Variants in PPP3CC observed in about 807,000 individuals in gnomAD.
PPP3CC encodes protein phosphatase 3 catalytic subunit gamma.
In PPP3CC, 35 loss-of-function variants were observed where a neutral mutation model predicts 60.3. That is an observed-to-expected ratio of 0.58 (90% CI 0.44 to 0.77). The LOEUF (loss-of-function observed/expected upper bound fraction) is 0.77, where lower values mean the gene tolerates loss of function less well. Among genes scored for constraint, PPP3CC ranks in the 30% least tolerant of loss-of-function variants. The pLI is 0.00. For synonymous variants in PPP3CC, 206 were observed against 224.3 expected (o/e 0.92, Z 0.73); for missense variants, 570 against 628.9 (o/e 0.91, Z 1.00).
chr8:22,501,277 T>A (rs1218382954), intron 4 of PPP3CC, among the ~76,000 whole-genome samples: 1 of 152,276 alleles, frequency 6.6e-6, no homozygotes, highest in Non-Finnish European at 1.5e-5. Context: ...AGGAATTTAT[T>A]ATGCAGATTG....
At chr8:22,539,356 G>T in intron 12 of PPP3CC, 113 bp from the exon 13 acceptor site, 1 of 1,030,914 alleles carries the variant, frequency 9.7e-7, no homozygotes. Context: ...TTATGGATGG[G>T]GATAGGCTAA....
At chr8:22,494,936 C>T (rs952812128) in intron 3 of PPP3CC, among the ~76,000 whole-genome samples, 1 of 152,024 alleles carries the variant, frequency 6.6e-6, no homozygotes, top group African/African-American at 2.4e-5. Flanking sequence ...TACAGCTACT[C>T]TTGTACTTTT....
intron 1 of PPP3CC, among the ~76,000 whole-genome samples, chr8:22,449,697 G>A (rs547125394): frequency 6.6e-6 from 1 of 151,784 alleles, no homozygotes; most frequent in African/African-American, 2.4e-5. Flanking sequence ...AGAAAGAAAA[G>A]GTACTTAACT....
chr8:22,475,007 G>A lies in PPP3CC; in HGVS notation c.103G>A (p.Gly35Arg). 2.5e-6 allele frequency: 4 copies of A among 1,611,544 alleles called. No individual in the cohort carries two copies. The highest frequency in any genetic ancestry group is 3.4e-6 in the Non-Finnish European group (4 of 1,178,452). Residue 35 changes from glycine (G) to arginine (R), a missense_variant, in exon 2 of 14, where the codon GGG (glycine) becomes AGG (arginine). By Grantham distance (125) the Gly-to-Arg change is moderately radical (BLOSUM62 -2). Transcript: ENST00000240139. ...RLTFKEVFEN[G>R]KPKVDVLKNH... is the part of the protein sequence containing the mutation. ...TACTTTCAAGGAAGTATTTGAGAAT[G>A]GGAAACCTAAAGTTGATGTTTTAAA...
In PPP3CC at chr8:22,540,965, T is replaced by G. The variant is rs1447472148; in HGVS notation, c.*163T>G. 1.7e-6 allele frequency: 1 copy of G among 575,682 alleles called. No homozygotes were observed. The highest frequency in any genetic ancestry group is 2.7e-6 in the Non-Finnish European group (1 of 370,862). 35.7% of individuals were successfully genotyped at this position (575,682 alleles called of 1,614,324 possible). On this transcript the variant is annotated 3_prime_UTR_variant, in exon 14 of 14. Coordinates refer to ENST00000240139, the MANE Select transcript of PPP3CC (RefSeq NM_005605.5). The stretch of plus-strand genomic sequence containing the variant: ...AAAAAGGTGGCTGTTTTATAAATTC[T>G]TTTAATTTATGTTCAATATATATAA...
chr8:22,538,809 A>G (rs1839899170), intron 12 of PPP3CC, among the ~76,000 whole-genome samples: 1 of 152,228 alleles, frequency 6.6e-6, no homozygotes, highest in African/African-American at 2.4e-5. Flanking sequence ...TGGATTGGAA[A>G]CATTAGCCTC....
intron 2 of PPP3CC, 99 bp downstream of exon 2, chr8:22,475,250 A>G: frequency 8.4e-7 from 1 of 1,187,578 alleles, no homozygotes. Flanking sequence ...TGGTGTGGTA[A>G]TTTTTCTAGA....
At chr8:22,505,978 G>T (rs1156414395) in intron 4 of PPP3CC, among the ~76,000 whole-genome samples, 2 of 151,650 alleles carry the variant, frequency 1.3e-5, no homozygotes, top group African/African-American at 4.8e-5. Flanking sequence ...GTGTCATAGG[G>T]GTTTGCTATA....
intron 5 of PPP3CC, among the ~76,000 whole-genome samples, chr8:22,511,632 G>C (rs1210851489): frequency 6.6e-6 from 1 of 152,090 alleles, no homozygotes; most frequent in South Asian, 2.1e-4. Context: ...TTAAAATATA[G>C]ATAATGAAAA....
intron 1 of PPP3CC, among the ~76,000 whole-genome samples, chr8:22,458,427 G>A (rs1837271978): frequency 6.6e-6 from 1 of 151,772 alleles, no homozygotes; most frequent in African/African-American, 2.4e-5. Flanking sequence ...GTGAAACCTT[G>A]TCTCTACTAA....
intron 1 of PPP3CC, among the ~76,000 whole-genome samples, chr8:22,464,612 G>A (rs1384922096): frequency 6.6e-6 from 1 of 152,122 alleles, no homozygotes; most frequent in Non-Finnish European, 1.5e-5. Context: ...GAACTCCTGA[G>A]CTCAAGCAAT....
intron 1 of PPP3CC, among the ~76,000 whole-genome samples, chr8:22,467,726 C>A (rs1333850676): frequency 6.6e-6 from 1 of 152,188 alleles, no homozygotes; most frequent in East Asian, 1.9e-4. Context: ...CGCCCCCGGC[C>A]TGTTCAAGAT....
rs1837491546 is a variant in PPP3CC at position 22,465,449 on chromosome 8, T to C, written c.50-9505T>C. Among the ~76,000 whole-genome samples, 2 of 152,176 alleles carry C rather than the reference T, an allele frequency of 1.3e-5. 1 individual carries two copies. The highest frequency in any genetic ancestry group is 4.1e-4 in the South Asian group (2 of 4,834). On this transcript the variant is annotated intron_variant, in intron 1 of 13. Coordinates refer to ENST00000240139, the MANE Select transcript of PPP3CC (RefSeq NM_005605.5). The stretch of plus-strand genomic sequence containing the variant: ...ATCTGAAATTTAAAAATAAAATAAG[T>C]ATGTATTAGAAAATTTATCCCAAAT...
intron 6 of PPP3CC, among the ~76,000 whole-genome samples, chr8:22,513,650 C>T (rs1839157082): frequency 6.6e-6 from 1 of 152,054 alleles, no homozygotes. Context: ...GATTGGACAT[C>T]CTGCAGTGCT....
At chr8:22,504,163 A>G (rs973550189) in intron 4 of PPP3CC, among the ~76,000 whole-genome samples, 1 of 152,032 alleles carries the variant, frequency 6.6e-6, no homozygotes, top group Non-Finnish European at 1.5e-5. Flanking sequence ...TTTTAAATTG[A>G]TGTATAATAG....
chr8:22,470,275 C>T lies in PPP3CC; in HGVS notation c.50-4679C>T, dbSNP rs146854216. On this transcript the variant is annotated intron_variant, in intron 1 of 13. Coordinates refer to ENST00000240139, the MANE Select transcript of PPP3CC (RefSeq NM_005605.5). ...GCACTGGGATTATAGGTGTGAGCCACGATGCCTGGCCCTGCAGTATAATTT... is the reference window on the plus strand; with the variant it reads ...GCACTGGGATTATAGGTGTGAGCCATGATGCCTGGCCCTGCAGTATAATTT... Among the ~76,000 whole-genome samples, 35 of 152,102 alleles carry T rather than the reference C, an allele frequency of 2.3e-4. No homozygotes were observed. The South Asian group carries it at 5.4e-3, about 23-fold the overall frequency.
intron 6 of PPP3CC, among the ~76,000 whole-genome samples, chr8:22,521,677 A>G (rs1336775351): frequency 3.3e-5 from 5 of 152,162 alleles, no homozygotes; most frequent in African/African-American, 7.2e-5. Context: ...TGTTCTAATG[A>G]GCATAATGAG....
At chr8:22,532,870 C>G (rs768544093) in intron 11 of PPP3CC, 51 bp from the exon 12 acceptor site, 1 of 1,270,222 alleles carries the variant, frequency 7.9e-7, no homozygotes, top group Admixed American at 2.6e-5. Context: ...CTTTAAGTTG[C>G]TGAATGGAGA....
intron 4 of PPP3CC, among the ~76,000 whole-genome samples, chr8:22,504,119 A>T (rs1838840283): frequency 6.6e-6 from 1 of 152,158 alleles, no homozygotes; most frequent in Non-Finnish European, 1.5e-5. Context: ...TTTAAAAAAT[A>T]TTCCTTTCTT....
Sources: allele counts gnomAD v4.1 joint callset (sites outside exome capture counted in the v4.1 genomes callset), GRCh38; gene constraint gnomAD v4.1.1; transcripts MANE v1.5; gene names NCBI Gene and HGNC (gene_info 2026-07-23, HGNC 2026-07-21).